UIMC1: variants seen among roughly 807,000 people sequenced by gnomAD.
The protein encoded by UIMC1 is ubiquitin interaction motif containing 1, also known as BRCA1-A complex subunit RAP80.
UIMC1 carries 42 observed loss-of-function variants against 84.9 expected under a neutral mutation model. That is an observed-to-expected ratio of 0.49 (90% confidence interval 0.39 to 0.64). The LOEUF is 0.64. Among genes scored for constraint, UIMC1 ranks in the 30% least tolerant of loss-of-function variants. The probability of loss-of-function intolerance (pLI) is 0.00; values close to 1 mark genes in which losing one functional copy is unlikely to be tolerated. For synonymous variants in UIMC1, 281 were observed against 293.0 expected (o/e 0.96, Z 0.42); for missense variants, 825 against 847.6 (o/e 0.97, Z 0.33).
intron 1 of UIMC1, among the ~76,000 whole-genome samples, chr5:176,988,457 A>G (rs1772346072): frequency 6.6e-6 from 1 of 152,186 alleles, no homozygotes; most frequent in African/African-American, 2.4e-5. Flanking sequence ...TATAAGAAAC[A>G]TCCAGAATAG....
chr5:176,989,391 G>A (rs1020414838), intron 1 of UIMC1, among the ~76,000 whole-genome samples: 2 of 152,130 alleles, frequency 1.3e-5, no homozygotes, highest in Non-Finnish European at 2.9e-5. Context: ...CAGGCGCAGT[G>A]GCTCAAGTCT....
At chr5:176,932,659 A>T (rs1345115387) in intron 10 of UIMC1, among the ~76,000 whole-genome samples, 1 of 152,084 alleles carries the variant, frequency 6.6e-6, no homozygotes, top group Admixed American at 6.6e-5. Context: ...CATGTATTTC[A>T]CTCGTTGGTT....
chr5:176,952,159 G>C (rs1255522642), intron 8 of UIMC1, among the ~76,000 whole-genome samples: 3 of 152,128 alleles, frequency 2.0e-5, no homozygotes, highest in Non-Finnish European at 4.4e-5. Context: ...TGATCAACTG[G>C]CTTATTTCCA....
intron 6 of UIMC1, among the ~76,000 whole-genome samples, chr5:176,962,737 CG>C (rs1767709101): frequency 2.2e-5 from 1 of 46,242 alleles, no homozygotes; most frequent in Non-Finnish European, 4.1e-5. Context: ...ATTGAGAAAT[CG>C]GATGGTTGCC....
chr5:176,923,616 C>T (rs903316867), intron 10 of UIMC1, among the ~76,000 whole-genome samples: 2 of 151,180 alleles, frequency 1.3e-5, no homozygotes, highest in African/African-American at 4.9e-5. Context: ...GTAATCCCTG[C>T]ACTTTGGGAG....
chr5:176,985,456 C>CAAA (rs35535020), intron 1 of UIMC1, among the ~76,000 whole-genome samples: 31 of 88,516 alleles, frequency 3.5e-4, no homozygotes, highest in Non-Finnish European at 5.0e-4. Context: ...AATTCTGTCT[C>CAAA]AAAAAAAAAA....
intron 2 of UIMC1, among the ~76,000 whole-genome samples, chr5:176,976,199 T>C (rs938040776): frequency 6.6e-6 from 1 of 152,104 alleles, no homozygotes; most frequent in Non-Finnish European, 1.5e-5. Flanking sequence ...GGCATGGTCC[T>C]AGCTACTCAG....
chr5:176,920,924 G>T (rs529748186), intron 10 of UIMC1, among the ~76,000 whole-genome samples: 20 of 152,232 alleles, frequency 1.3e-4, no homozygotes, highest in Admixed American at 1.2e-3. Context: ...TTTCATAGAC[G>T]CCCTCTATCA....
chr5:176,984,707 AAAG>A (rs1407710477), intron 1 of UIMC1, among the ~76,000 whole-genome samples: 2 of 152,256 alleles, frequency 1.3e-5, no homozygotes, highest in East Asian at 3.9e-4. Context: ...GCCTGTGTAG[AAAG>A]AAGTAGACAT....
intron 10 of UIMC1, among the ~76,000 whole-genome samples, chr5:176,916,768 A>G (rs1395455656): frequency 6.6e-6 from 1 of 152,226 alleles, no homozygotes; most frequent in East Asian, 1.9e-4. Context: ...ACCACTAGCT[A>G]GCCTACAATT....
chr5:176,994,859 G>A (rs773753697), intron 1 of UIMC1, among the ~76,000 whole-genome samples: 2 of 152,116 alleles, frequency 1.3e-5, no homozygotes. Context: ...TGCACAGTAG[G>A]GAAAACAGGA....
chr5:176,956,088 A>G, intron 7 of UIMC1, 53 bp from the exon 8 acceptor site: 1 of 1,574,330 alleles, frequency 6.4e-7, no homozygotes, highest in African/African-American at 1.4e-5. Context: ...ATCAGAACAT[A>G]GAGCCAAAAG....
intron 1 of UIMC1, 58 bp from the exon 2 acceptor site, chr5:176,982,681 T>C (rs1003320585): frequency 2.6e-5 from 40 of 1,526,804 alleles, no homozygotes; most frequent in Non-Finnish European, 3.5e-5. Flanking sequence ...TTACTTAAAG[T>C]ATAAGTTTTC....
chr5:176,931,685 G>C (rs955198275), intron 10 of UIMC1, among the ~76,000 whole-genome samples: 56 of 152,206 alleles, frequency 3.7e-4, no homozygotes, highest in African/African-American at 1.3e-3. Context: ...TTGAACAAAA[G>C]TTGTTAGAAG....
At chr5:177,005,179 T>C (rs528644898) in intron 1 of UIMC1, among the ~76,000 whole-genome samples, 1 of 152,048 alleles carries the variant, frequency 6.6e-6, no homozygotes, top group African/African-American at 2.4e-5. Flanking sequence ...GCTCACGGGA[T>C]CCTCCTGCCT....
Position 176,945,481 on chromosome 5 carries a change from C to T in UIMC1, c.1444-1993G>A, listed in dbSNP as rs114203017. 9.4e-3 allele frequency among the ~76,000 whole-genome samples: 1,427 copies of T among 152,252 alleles called. 28 individuals carry two copies. The highest frequency in any genetic ancestry group is 0.033 in the African/African-American group (1,366 of 41,538). ...CACGCAGGATCGTGTAAAGACAATG[C>T]CAGGTTGGACTGCTAGAACGAGTCA... On this transcript the variant is annotated intron_variant, in intron 9 of 14. Transcript: ENST00000511320.
At chr5:176,968,001 G>GT (rs1256402053) in intron 6 of UIMC1, among the ~76,000 whole-genome samples, 3 of 151,972 alleles carry the variant, frequency 2.0e-5, no homozygotes, top group Non-Finnish European at 4.4e-5. Context: ...AAACTATAAA[G>GT]TAGGGAGAGG....
intron 1 of UIMC1, 42 bp from the exon 2 acceptor site, chr5:176,982,665 C>G: frequency 6.4e-7 from 1 of 1,562,694 alleles, no homozygotes; most frequent in Non-Finnish European, 8.6e-7. Flanking sequence ...ATAAAAAGAT[C>G]ATAATTTACT....
At chr5:176,943,678 C>T (rs772536246) in intron 9 of UIMC1, among the ~76,000 whole-genome samples, 190 bp from the exon 10 acceptor site, 7 of 152,146 alleles carry the variant, frequency 4.6e-5, no homozygotes, top group Non-Finnish European at 7.3e-5. Flanking sequence ...ATACTGCCAA[C>T]TATGTATTAA....
Sources: gnomAD v4.1 joint callset for allele counts (sites outside exome capture counted in the v4.1 genomes callset) on GRCh38, gnomAD v4.1.1 for gene constraint, MANE v1.5 for transcripts, NCBI Gene and HGNC (gene_info 2026-07-23, HGNC 2026-07-21) for gene names.